The following ALPL variants were observed in gnomAD, a reference collection of about 807,000 sequenced individuals.
ALPL encodes the protein alkaline phosphatase, biomineralization associated, also known as alkaline phosphatase, tissue-nonspecific isozyme.
Under a neutral mutation model 51.3 loss-of-function variants are expected in ALPL, and 42 were observed. The observed-to-expected ratio is 0.82, with a 90% CI of 0.64 to 1.06. The LOEUF (loss-of-function observed/expected upper bound fraction) is 1.06. ALPL is among the 50% of genes least tolerant of loss of function. The probability of loss-of-function intolerance (pLI) is 0.00; values close to 1 mark genes in which losing one functional copy is unlikely to be tolerated. For synonymous variants in ALPL, 279 were observed against 296.4 expected (o/e 0.94, Z 0.60); for missense variants, 589 against 709.4 (o/e 0.83, Z 1.93).
chr1:21,577,370 C>T lies in ALPL; in HGVS notation c.1310-13C>T, dbSNP rs372910929. The T allele has an allele frequency of 1.3e-5, 21 of 1,613,088 alleles. No individual in the cohort carries two copies. The highest frequency in any genetic ancestry group is 1.7e-5 in the Non-Finnish European group (20 of 1,179,962). ...CTGGCAGGCTCTCAGCAGGTGTTTC[C>T]CCTGGCCCACAGCTCACAACAACTA... On this transcript the variant is annotated splice_polypyrimidine_tract_variant and intron_variant, in intron 11 of 11. Coordinates refer to ENST00000374840, the MANE Select transcript of ALPL (RefSeq NM_000478.6).
chr1:21,560,793 G>A, intron 3 of ALPL, 48 bp downstream of exon 3: 1 of 1,611,212 alleles, frequency 6.2e-7, no homozygotes, highest in Non-Finnish European at 8.5e-7. Context: ...CACCTAGCTA[G>A]GAGCCCCGGG....
At chr1:21,530,696 G>A (rs1644016265) in intron 1 of ALPL, among the ~76,000 whole-genome samples, 2 of 152,102 alleles carry the variant, frequency 1.3e-5, no homozygotes. Context: ...GGGTGGTGGA[G>A]TGACTGTAGA....
At chr1:21,576,716 C>G (rs573479597) in intron 11 of ALPL, 75 bp downstream of exon 11, 61 of 1,592,676 alleles carry the variant, frequency 3.8e-5, no homozygotes, top group Middle Eastern at 3.3e-4. Flanking sequence ...AGGGTGTCAG[C>G]TTGTGGTCAA....
At chr1:21,521,191 C>CT (rs201667996) in intron 1 of ALPL, among the ~76,000 whole-genome samples, 6,246 of 147,600 alleles carry the variant, frequency 0.042, 186 homozygotes, top group East Asian at 0.18. Context: ...CGTTTAATGA[C>CT]TTTTTTTTTT....
intron 1 of ALPL, among the ~76,000 whole-genome samples, chr1:21,528,001 GTT>G (rs35639476): frequency 9.5e-6 from 1 of 105,652 alleles, no homozygotes; most frequent in African/African-American, 4.4e-5. Context: ...GTGTGTACGT[GTT>G]TTTTTTTTTT....
In ALPL at chr1:21,509,706, C is replaced by T. The variant is rs1196189072; in HGVS notation, c.-105+189C>T. Among the ~76,000 whole-genome samples the T allele has an allele frequency of 2.0e-5, 3 of 152,174 alleles. No homozygotes were observed. The highest frequency in any genetic ancestry group is 4.4e-5 in the Non-Finnish European group (3 of 68,040). Reference sequence around the variant, plus strand: ...TTGGTCCTGCCCCTGTCCTCCCGCGCATCCCAAGCTCCCGGCGCGCGCTCT... The same window carrying T: ...TTGGTCCTGCCCCTGTCCTCCCGCGTATCCCAAGCTCCCGGCGCGCGCTCT... On this transcript the variant is annotated intron_variant, in intron 1 of 11. Coordinates refer to ENST00000374840, the MANE Select transcript of ALPL (RefSeq NM_000478.6). This position sits in a 1 kb window ranked among gnomAD's most constrained non-coding sequence, Gnocchi z 6.0.
intron 2 of ALPL, among the ~76,000 whole-genome samples, chr1:21,554,855 T>TTCTTTCTC (rs1644387495): frequency 1.5e-5 from 2 of 131,324 alleles, no homozygotes; most frequent in African/African-American, 5.6e-5. Context: ...CTTTCTTTCT[T>TTCTTTCTC]TCTTTCTTTC....
rs1644767469 is a variant in ALPL, at chr1:21,578,088, T to C, written c.*440T>C. ...AACCCCCCAGGCCCTACAATGCTCA[T>C]GTCCCTGTCCCCAGGCCCAGCCCTC... On this transcript the variant is annotated 3_prime_UTR_variant, in exon 12 of 12. Coordinates refer to ENST00000374840, the MANE Select transcript of ALPL (RefSeq NM_000478.6). The surrounding 1 kb of genome is among the most constrained non-coding windows in gnomAD (Gnocchi z 4.2). 5.2e-6 allele frequency: 1 copy of C among 193,258 alleles called. No individual in the cohort carries two copies. Among genetic ancestry groups the C allele is most frequent in the African/African-American group, 2.3e-5 (1 of 42,672 alleles). The allele number at this position is 193,258 out of a possible 1,614,324, so 12.0% of individuals were successfully genotyped here.
chr1:21,538,472 C>A lies in ALPL; in HGVS notation c.-104-15506C>A, dbSNP rs575811965. Reference sequence around the variant, plus strand: ...ACACCCGCGTCCTTCCTCCTCTGATCTGAGCCCTCTGCGCCCGCCACCCAG... The same window carrying A: ...ACACCCGCGTCCTTCCTCCTCTGATATGAGCCCTCTGCGCCCGCCACCCAG... On this transcript the variant is annotated intron_variant, in intron 1 of 11. Transcript: ENST00000374840. Among the ~76,000 whole-genome samples the A allele has an allele frequency of 7.2e-5, 11 of 152,352 alleles. No individual in the cohort carries two copies. The East Asian group carries it at 1.5e-3, about 21-fold the overall frequency.
intron 1 of ALPL, among the ~76,000 whole-genome samples, chr1:21,531,588 G>A (rs1215352159): frequency 1.3e-5 from 2 of 152,360 alleles, no homozygotes; most frequent in Non-Finnish European, 2.9e-5. Context: ...AGGATTCTGG[G>A]AGGACACGGA....
At chr1:21,509,406 CG>C (rs1643634680), upstream of ALPL, 1 of 150,440 alleles carries the variant, frequency 6.6e-6, no homozygotes, top group Admixed American at 6.6e-5. The surrounding 1 kb of genome is among the most constrained non-coding windows in gnomAD (Gnocchi z 6.0). Flanking sequence ...TATAAGGCGG[CG>C]GGGGTGGTGG....
intron 1 of ALPL, among the ~76,000 whole-genome samples, chr1:21,522,847 G>A (rs1410419685): frequency 6.6e-6 from 1 of 152,188 alleles, no homozygotes; most frequent in Non-Finnish European, 1.5e-5. Context: ...ATAAATCATT[G>A]TAACAGTAAC....
chr1:21,571,051 C>T (rs536621657), intron 8 of ALPL, among the ~76,000 whole-genome samples: 1 of 152,310 alleles, frequency 6.6e-6, no homozygotes, highest in South Asian at 2.1e-4. Flanking sequence ...ATGCACACAG[C>T]CTCTTGCTTG....
rs187673867 is a variant in ALPL at position 21,521,271 on chromosome 1, G to A, written c.-105+11754G>A. Among the ~76,000 whole-genome samples, 496 of 152,046 alleles carry A rather than the reference G, an allele frequency of 3.3e-3. 3 individuals carry two copies. Among genetic ancestry groups the A allele is most frequent in the Non-Finnish European group, 3.4e-3 (231 of 67,992 alleles). On this transcript the variant is annotated intron_variant, in intron 1 of 11. Coordinates refer to ENST00000374840, the MANE Select transcript of ALPL (RefSeq NM_000478.6). ...GCGATCTCGGCTCACTGCAACCTGC[G>A]CCTCCCGGGTTCAAGCGATTCTCCT... is the stretch of plus-strand genomic sequence containing the variant.
chr1:21,511,094 G>A (rs888740546), intron 1 of ALPL, among the ~76,000 whole-genome samples: 11 of 152,218 alleles, frequency 7.2e-5, no homozygotes, highest in Non-Finnish European at 1.3e-4. Context: ...AGCATCCGCC[G>A]TGTGCCAAGC....
intron 1 of ALPL, among the ~76,000 whole-genome samples, chr1:21,542,959 C>G (rs1644208025): frequency 6.6e-6 from 1 of 151,824 alleles, no homozygotes; most frequent in African/African-American, 2.4e-5. Context: ...CGAGACTAGC[C>G]TGGGCAGCAT....
At chr1:21,510,579 A>G (rs1223727797) in intron 1 of ALPL, among the ~76,000 whole-genome samples, 2 of 152,172 alleles carry the variant, frequency 1.3e-5, no homozygotes, top group East Asian at 1.9e-4. Context: ...TCATTTTACA[A>G]ATGGGGAAAC....
At chr1:21,551,727 T>TTTC (rs1178173714) in intron 1 of ALPL, among the ~76,000 whole-genome samples, 3 of 126,144 alleles carry the variant, frequency 2.4e-5, no homozygotes, top group African/African-American at 8.4e-5. Flanking sequence ...TGGTTTTTTT[T>TTTC]TTTTTTTTTT....
chr1:21,557,107 A>G (rs1196104232), intron 2 of ALPL, among the ~76,000 whole-genome samples: 6 of 150,678 alleles, frequency 4.0e-5, no homozygotes, highest in Non-Finnish European at 8.9e-5. Flanking sequence ...GCTATGTGCT[A>G]TTTTTTTTTC....
Sources: allele counts gnomAD v4.1 joint callset (sites outside exome capture counted in the v4.1 genomes callset), GRCh38; gene constraint gnomAD v4.1.1; non-coding constraint Gnocchi (gnomAD v3.1); transcripts MANE v1.5; gene names NCBI Gene and HGNC (gene_info 2026-07-23, HGNC 2026-07-21).